The following SPOCK3 variants were observed in gnomAD, a reference collection of about 807,000 sequenced individuals.
SPOCK3 encodes the protein testican-3.
In SPOCK3, 30 loss-of-function variants were observed where a neutral mutation model predicts 56.6. That is an observed-to-expected ratio of 0.53 (90% confidence interval 0.40 to 0.72). SPOCK3 has a LOEUF of 0.72. Among genes scored for constraint, SPOCK3 ranks in the 30% least tolerant of loss-of-function variants. SPOCK3 has a pLI of 0.00. For missense variants in SPOCK3, 527 were observed against 530.0 expected (o/e 0.99, Z 0.06); for synonymous variants, 196 against 183.3 (o/e 1.07, Z -0.56).
intron 6 of SPOCK3, among the ~76,000 whole-genome samples, chr4:166,815,213 AT>A (rs1230969874): frequency 6.6e-6 from 1 of 151,894 alleles, no homozygotes; most frequent in Non-Finnish European, 1.5e-5. Context: ...CCCTTTCTGT[AT>A]TTGGGAATTT....
rs1203320366 is a variant in SPOCK3 at position 167,027,656 on chromosome 4, T to A, written c.236-27193A>T. 2.0e-5 allele frequency among the ~76,000 whole-genome samples: 3 copies of A among 152,110 alleles called. No individual in the cohort carries two copies. In the East Asian group the frequency reaches 5.8e-4, roughly 29 times the overall value. On this transcript the variant is annotated intron_variant, in intron 3 of 10. Coordinates refer to ENST00000357545, the MANE Select transcript of SPOCK3 (RefSeq NM_001040159.2). ...AACAGTCCATTACACATGTTTTGCA[T>A]TCTTTTTCTATATTTCTACAGTAAA...
At chr4:166,899,610 G>T (rs1006070239) in intron 5 of SPOCK3, among the ~76,000 whole-genome samples, 2 of 147,670 alleles carry the variant, frequency 1.4e-5, no homozygotes, top group Non-Finnish European at 3.0e-5. Flanking sequence ...AGGTTAAAGC[G>T]ATTCTCCTGC....
At chr4:166,800,183 G>GGAAAAAAA (rs1742412801) in intron 6 of SPOCK3, among the ~76,000 whole-genome samples, 3 of 51,790 alleles carry the variant, frequency 5.8e-5, no homozygotes, top group African/African-American at 2.4e-4. Context: ...CTCCATCTCA[G>GGAAAAAAA]AAAAAAAAAA....
Position 166,754,628 on chromosome 4 carries a change from T to C in SPOCK3, c.811A>G (p.Arg271Gly). 1 of 1,613,802 alleles carries C rather than the reference T, an allele frequency of 6.2e-7. No individual in the cohort carries two copies. Among genetic ancestry groups the C allele is most frequent in the Non-Finnish European group, 8.5e-7 (1 of 1,179,808 alleles). Residue 271 changes from arginine to glycine, a missense_variant, in exon 8 of 11, where the codon AGA becomes GGA. Arg to Gly is a moderately radical substitution (Grantham distance 125, BLOSUM62 -2). Transcript: ENST00000357545. ...YDLLLDQSEL[R>G]SIYLDKNEQC... ...TCATTCTTATCAAGGTAAATGCTTC[T>C]GAGCTCTGACTGGTCCAATAGCAGG...
At chr4:167,154,349 C>T (rs950380547) in intron 2 of SPOCK3, among the ~76,000 whole-genome samples, 1 of 151,820 alleles carries the variant, frequency 6.6e-6, no homozygotes, top group Non-Finnish European at 1.5e-5. Context: ...GTTTTGGGAC[C>T]AGGATTACGG....
At position 166,883,475 on chromosome 4, in the gene SPOCK3, C is replaced by T. The variant is rs545968184; in HGVS notation, c.589+5655G>A. Among the ~76,000 whole-genome samples the T allele has an allele frequency of 3.3e-5, 5 of 152,276 alleles. No individual in the cohort carries two copies. The South Asian group carries it at 1.0e-3, about 32-fold the overall frequency. ...GAGATATCTTTTGTTAAATAAACAG[C>T]TATCTTTTTGTTTATGTTGTGGTTG... On this transcript the variant is annotated intron_variant, in intron 6 of 10. Transcript: ENST00000357545.
At chr4:167,166,630 C>A (rs1580493552) in intron 2 of SPOCK3, among the ~76,000 whole-genome samples, 1 of 152,032 alleles carries the variant, frequency 6.6e-6, no homozygotes, top group Admixed American at 6.6e-5. Flanking sequence ...TAATAGTGTC[C>A]TGTCAGACAG....
intron 6 of SPOCK3, among the ~76,000 whole-genome samples, chr4:166,816,789 A>G (rs1435060471): frequency 2.0e-5 from 3 of 152,080 alleles, no homozygotes; most frequent in Non-Finnish European, 4.4e-5. Flanking sequence ...ACATTAAGGA[A>G]AACACTATTA....
chr4:167,121,273 G>T (rs1761843125), intron 2 of SPOCK3, among the ~76,000 whole-genome samples: 1 of 151,754 alleles, frequency 6.6e-6, no homozygotes, highest in Non-Finnish European at 1.5e-5. Flanking sequence ...TTCTTTTCTT[G>T]GACATGGCTC....
chr4:166,792,331 G>C, intron 6 of SPOCK3, 42 bp from the exon 7 acceptor site: 2 of 1,607,600 alleles, frequency 1.2e-6, no homozygotes, highest in Non-Finnish European at 1.7e-6. Context: ...TAATATCTTA[G>C]TATAATGTTA....
chr4:166,927,460 G>A (rs1579676562), intron 4 of SPOCK3, among the ~76,000 whole-genome samples: 1 of 152,230 alleles, frequency 6.6e-6, no homozygotes. Context: ...TCTCAACCAC[G>A]TGGAACTGTG....
chr4:166,945,324 AT>A (rs1359396552), intron 4 of SPOCK3, among the ~76,000 whole-genome samples: 1 of 152,206 alleles, frequency 6.6e-6, no homozygotes, highest in Non-Finnish European at 1.5e-5. Flanking sequence ...ATTTGCATCT[AT>A]ATTCATTTTT....
chr4:166,889,279 G>C, intron 5 of SPOCK3, 35 bp from the exon 6 acceptor site: 5 of 1,330,596 alleles, frequency 3.8e-6, no homozygotes, highest in Non-Finnish European at 5.4e-6. Context: ...TAATTCAAAT[G>C]CTTTAGTTAT....
At chr4:167,159,965 C>G (rs10017339) in intron 2 of SPOCK3, among the ~76,000 whole-genome samples, 1 of 151,892 alleles carries the variant, frequency 6.6e-6, no homozygotes, top group Admixed American at 6.6e-5. Flanking sequence ...GAAGCATTCC[C>G]TTTGAAAACT....
intron 4 of SPOCK3, among the ~76,000 whole-genome samples, chr4:166,969,863 T>C (rs1745189074): frequency 6.6e-6 from 1 of 152,220 alleles, no homozygotes; most frequent in Non-Finnish European, 1.5e-5. Context: ...CATTGCCTAT[T>C]ATGTCTTCTA....
rs77791205 is a variant in SPOCK3 at position 166,791,994 on chromosome 4, A to C, written c.709+176T>G. ...TTTCCTCCAATAAGAGTTGTCCTAA[A>C]TGCCTTATTTCCTTGCAAAATAATA... On this transcript the variant is annotated intron_variant, in intron 7 of 10. Transcript: ENST00000357545. 2.2e-3 allele frequency among the ~76,000 whole-genome samples: 336 copies of C among 152,316 alleles called. 9 individuals carry two copies. In the East Asian group the frequency reaches 0.049, roughly 22 times the overall value.
At chr4:166,972,523 C>G (rs2150076509) in intron 4 of SPOCK3, among the ~76,000 whole-genome samples, 1 of 151,092 alleles carries the variant, frequency 6.6e-6, no homozygotes, top group East Asian at 1.9e-4. Context: ...AAAGAAACAA[C>G]AAAAACAATG....
rs552150885 is a variant in SPOCK3 at position 167,003,917 on chromosome 4, T to A, written c.236-3454A>T. On this transcript the variant is annotated intron_variant, in intron 3 of 10. Transcript: ENST00000357545. ...CTCAATCTTTTGCCAGAATACTTGT[T>A]TTTTAGTCCAGAATTTTTCCCAGTT... Among the ~76,000 whole-genome samples, 4 of 152,284 alleles carry A rather than the reference T, an allele frequency of 2.6e-5. No homozygotes were observed. The South Asian group carries it at 8.3e-4, about 32-fold the overall frequency.
At chr4:166,939,718 G>A (rs961380898) in intron 4 of SPOCK3, among the ~76,000 whole-genome samples, 5 of 152,052 alleles carry the variant, frequency 3.3e-5, no homozygotes, top group East Asian at 1.9e-4. Context: ...TAGTCACCTC[G>A]GTCTTGCTAA....
Sources: gnomAD v4.1 joint callset for allele counts (sites outside exome capture counted in the v4.1 genomes callset) on GRCh38, gnomAD v4.1.1 for gene constraint, MANE v1.5 for transcripts, NCBI Gene and HGNC (gene_info 2026-07-23, HGNC 2026-07-21) for gene names.